The following PIGU variants were observed in gnomAD, a reference collection of about 807,000 sequenced individuals.
The protein encoded by PIGU is phosphatidylinositol glycan anchor biosynthesis class U.
A neutral mutation model predicts 49.9 loss-of-function variants in PIGU; 24 were observed. The ratio of observed to expected loss-of-function variants is 0.48; its 90% CI spans 0.35 to 0.68. The LOEUF (loss-of-function observed/expected upper bound fraction) is 0.68, where lower values mean the gene tolerates loss of function less well. Ranked by LOEUF, PIGU falls within the 30% of genes least tolerant of loss-of-function variation. PIGU has a pLI of 0.01. For missense variants in PIGU, 490 were observed against 532.6 expected, an observed-to-expected ratio of 0.92 and a Z score of 0.79; for synonymous variants, 220 against 205.7, an observed-to-expected ratio of 1.07 and a Z score of -0.59.
intron 10 of PIGU, among the ~76,000 whole-genome samples, chr20:34,578,505 A>G (rs1389097800): frequency 6.6e-6 from 1 of 152,234 alleles, no homozygotes; most frequent in Non-Finnish European, 1.5e-5. Context: ...CTGCCAGACC[A>G]GGTGGTTCTT....
At chr20:34,669,510 T>C (rs979435891) in intron 1 of PIGU, among the ~76,000 whole-genome samples, 1 of 151,452 alleles carries the variant, frequency 6.6e-6, no homozygotes, top group African/African-American at 2.4e-5. Context: ...CTACCAAAAA[T>C]ACAAAAATTA....
chr20:34,623,728 A>G (rs1985342378), intron 6 of PIGU, among the ~76,000 whole-genome samples: 1 of 152,144 alleles, frequency 6.6e-6, no homozygotes, highest in Non-Finnish European at 1.5e-5. Context: ...AGCATTTTAT[A>G]TTTCTTATTT....
chr20:34,650,187 T>C (rs1208030300), intron 2 of PIGU, among the ~76,000 whole-genome samples: 1 of 152,118 alleles, frequency 6.6e-6, no homozygotes, highest in East Asian at 1.9e-4. Flanking sequence ...TTCTAGAATT[T>C]CCGTTTGATT....
rs1404056238 is a variant in PIGU, at chr20:34,676,913, G to A, written c.130+43C>T. On this transcript the variant is annotated intron_variant, in intron 1 of 11. Coordinates refer to ENST00000217446, the MANE Select transcript of PIGU (RefSeq NM_080476.5). ...CCTCCCATTCACAGAGGCCGCGGGA[G>A]GGCAGGTGGGGCCTGACAGTCTGCT... The A allele has an allele frequency of 4.5e-6, 7 of 1,554,088 alleles. No individual in the cohort carries two copies. In the African/African-American group the frequency reaches 6.8e-5, roughly 15 times the overall value.
intron 8 of PIGU, among the ~76,000 whole-genome samples, chr20:34,586,385 AAATGAGGTAAAGAACAC>A (rs983719880): frequency 3.1e-4 from 47 of 152,238 alleles, no homozygotes; most frequent in Middle Eastern, 3.4e-3. Flanking sequence ...CTTTTCTGGG[AAATGAGGTAAAGAACAC>A]AATCCGTGGC....
chr20:34,658,834 C>T lies in PIGU; in HGVS notation c.131-1590G>A, dbSNP rs867448024. Among the ~76,000 whole-genome samples the T allele has an allele frequency of 1.1e-4, 16 of 151,048 alleles. No individual in the cohort carries two copies. The South Asian group carries it at 2.5e-3, about 24-fold the overall frequency. On this transcript the variant is annotated intron_variant, in intron 1 of 11. Transcript: ENST00000217446. ...CTGAGAAGCGAGGAGCCCCTCCGCC[C>T]GGCAGCCACCCCGTCTGGGAAGTGA...
Position 34,560,799 on chromosome 20 carries a change from G to T in PIGU, c.*67C>A. 1.6e-6 allele frequency: 2 copies of T among 1,219,102 alleles called. No individual in the cohort carries two copies. The highest frequency in any genetic ancestry group is 2.2e-6 in the Non-Finnish European group (2 of 891,826). 75.5% of individuals were successfully genotyped at this position (1,219,102 alleles called of 1,614,324 possible). ...CACTCGCCTGCTGGCAACTCTGGCT[G>T]GAGGGCTTGGCCCAGCTTCTGGCCC... is the stretch of plus-strand genomic sequence containing the variant. On this transcript the variant is annotated 3_prime_UTR_variant, in exon 12 of 12. Coordinates refer to ENST00000217446, the MANE Select transcript of PIGU (RefSeq NM_080476.5).
chr20:34,665,417 A>G (rs1018860340), intron 1 of PIGU, among the ~76,000 whole-genome samples: 54 of 150,650 alleles, frequency 3.6e-4, no homozygotes, highest in Non-Finnish European at 6.6e-4. Flanking sequence ...GTTAGCCAGG[A>G]TGGTCTCGAT....
intron 1 of PIGU, among the ~76,000 whole-genome samples, chr20:34,676,179 CTCTAA>C (rs1314445323): frequency 6.6e-6 from 1 of 152,046 alleles, no homozygotes; most frequent in Non-Finnish European, 1.5e-5. Context: ...CTCTCCTTTT[CTCTAA>C]TCTCCCTTTC....
intron 7 of PIGU, among the ~76,000 whole-genome samples, chr20:34,608,284 G>A (rs1232523567): frequency 1.3e-5 from 2 of 152,052 alleles, no homozygotes; most frequent in Non-Finnish European, 2.9e-5. Flanking sequence ...ATGTTGTCCA[G>A]GCTGGTCTGG....
chr20:34,668,483 A>AAAAAAGG (rs1412365978), intron 1 of PIGU, among the ~76,000 whole-genome samples: 8 of 88,720 alleles, frequency 9.0e-5, no homozygotes, highest in Admixed American at 3.7e-4. Flanking sequence ...AAAAAAAAAA[A>AAAAAAGG]GGGGGGGGCG....
intron 6 of PIGU, among the ~76,000 whole-genome samples, chr20:34,633,570 AT>A (rs925090049): frequency 1.8e-3 from 267 of 145,306 alleles, no homozygotes; most frequent in African/African-American, 2.5e-3. Flanking sequence ...AAAGAGCTAA[AT>A]TTTTTTTTTT....
At position 34,662,396 on chromosome 20, in the gene PIGU, C is replaced by CTTT. The variant is rs34871084; in HGVS notation, c.131-5155_131-5153dup. Among the ~76,000 whole-genome samples the CTTT allele has an allele frequency of 4.3e-3, 561 of 131,258 alleles. 13 individuals are homozygous for CTTT. Among genetic ancestry groups the CTTT allele is most frequent in the African/African-American group, 8.9e-3 (312 of 34,968 alleles). The allele number at this position is 131,258 out of a possible 152,430, so 86.1% of individuals were successfully genotyped here. ...TGAGCCACCATGCCCAGCCCTTTGC[C>CTTT]TTTTTTTTTTTTTTTTTGAGACAGA... On this transcript the variant is annotated intron_variant, in intron 1 of 11. Coordinates refer to ENST00000217446, the MANE Select transcript of PIGU (RefSeq NM_080476.5).
intron 11 of PIGU, among the ~76,000 whole-genome samples, chr20:34,563,674 G>A (rs1982625150): frequency 2.0e-5 from 3 of 152,106 alleles, no homozygotes; most frequent in South Asian, 4.1e-4. Flanking sequence ...AACAATGTAG[G>A]TAGTTATATC....
chr20:34,572,876 T>C (rs1285993683), intron 11 of PIGU, among the ~76,000 whole-genome samples: 1 of 152,246 alleles, frequency 6.6e-6, no homozygotes, highest in Non-Finnish European at 1.5e-5. Context: ...TTTATGTACC[T>C]GTGTCTATAG....
At chr20:34,603,509 TA>T (rs1272101386) in intron 7 of PIGU, among the ~76,000 whole-genome samples, 1 of 152,216 alleles carries the variant, frequency 6.6e-6, no homozygotes, top group African/African-American at 2.4e-5. Flanking sequence ...TCCTTTTTAG[TA>T]ACATTATGAG....
At chr20:34,569,290 C>A (rs925858670) in intron 11 of PIGU, among the ~76,000 whole-genome samples, 1 of 152,108 alleles carries the variant, frequency 6.6e-6, no homozygotes, top group Non-Finnish European at 1.5e-5. Flanking sequence ...AGTGTAGTGG[C>A]GTGATCTCGG....
intron 1 of PIGU, among the ~76,000 whole-genome samples, chr20:34,660,454 G>A (rs1298237161): frequency 5.9e-5 from 9 of 152,136 alleles, no homozygotes; most frequent in Admixed American, 3.3e-4. Flanking sequence ...GCATGGTGGC[G>A]CGCACCTGTA....
At chr20:34,562,636 T>A (rs1045825067) in intron 11 of PIGU, 1 of 1,176,872 alleles carries the variant, frequency 8.5e-7, no homozygotes, top group Non-Finnish European at 1.1e-6. Flanking sequence ...ATGGTTGGCC[T>A]AAGGCTACAC....
Sources: allele counts gnomAD v4.1 joint callset (sites outside exome capture counted in the v4.1 genomes callset), GRCh38; gene constraint gnomAD v4.1.1; transcripts MANE v1.5; gene names NCBI Gene and HGNC (gene_info 2026-07-23, HGNC 2026-07-21).